Variants in DLGAP2 observed in about 807,000 individuals in gnomAD.
DLGAP2 encodes DLG associated protein 2.
Under a neutral mutation model 100.3 loss-of-function variants are expected in DLGAP2, and 26 were observed. The ratio of observed to expected loss-of-function variants is 0.26; its 90% CI spans 0.19 to 0.36. DLGAP2 has a LOEUF of 0.36. DLGAP2 is among the 10% of genes least tolerant of loss of function. The pLI is 1.00. For synonymous variants in DLGAP2, 886 were observed against 630.1 expected (o/e 1.41, Z -6.08); for missense variants, 1,858 against 1,453.2 (o/e 1.28, Z -4.53).
intron 3 of DLGAP2, among the ~76,000 whole-genome samples, chr8:1,380,744 A>G (rs1294485306): frequency 2.6e-5 from 4 of 152,250 alleles, no homozygotes; most frequent in East Asian, 3.9e-4. Context: ...AGTCATGACT[A>G]TTGGTATTAA....
In DLGAP2 at chr8:1,565,794, G is replaced by A. The variant is rs757755202; in HGVS notation, c.1342G>A (p.Gly448Arg). 4 of 1,613,816 alleles carry A rather than the reference G, an allele frequency of 2.5e-6. No homozygotes were observed. The highest frequency in any genetic ancestry group is 1.1e-5 in the South Asian group (1 of 91,044). ...TAAAGCCATGGGGGACGAGGAGAGC[G>A]GAGAGTCAGACTCCAGCCCCAAGAC... ...YIKAMGDEESGESDSSPKTSP... is the reference protein window; with the variant it reads ...YIKAMGDEESRESDSSPKTSP... Residue 448 changes from glycine (G) to arginine (R), a missense_variant, in exon 6 of 15, where the codon GGA becomes AGA. Transcript: ENST00000637795.
chr8:814,812 A>G (rs1001933673), intron 1 of DLGAP2, among the ~76,000 whole-genome samples: 2 of 141,038 alleles, frequency 1.4e-5, no homozygotes, highest in African/African-American at 5.4e-5. Context: ...AGATCATGTT[A>G]CACCACTCCA....
Position 912,123 on chromosome 8 carries a change from G to C in DLGAP2, c.73+4157G>C, listed in dbSNP as rs115535881. Among the ~76,000 whole-genome samples the C allele has an allele frequency of 4.0e-3, 603 of 152,262 alleles. 4 individuals are homozygous for C. Among genetic ancestry groups the C allele is most frequent in the African/African-American group, 0.014 (565 of 41,560 alleles). ...ATTCTACTGCCACGAATAATTAGAA[G>C]TTTCAAGAATGAATTGATTTTGCAA... On this transcript the variant is annotated intron_variant, in intron 2 of 14. Transcript: ENST00000637795.
rs73534165 is a variant in DLGAP2 at position 873,555 on chromosome 8, A to T, written c.19-34357A>T. ...ATTAATACTTTATAATTCTCTATAT[A>T]TAATTGCTGCATTCATTTTACTAAT... On this transcript the variant is annotated intron_variant, in intron 1 of 14. Coordinates refer to ENST00000637795, the MANE Select transcript of DLGAP2 (RefSeq NM_001346810.2). Among the ~76,000 whole-genome samples, 1,397 of 152,288 alleles carry T rather than the reference A, an allele frequency of 9.2e-3. 30 individuals are homozygous for T. Among genetic ancestry groups the T allele is most frequent in the African/African-American group, 0.032 (1,340 of 41,566 alleles).
intron 2 of DLGAP2, among the ~76,000 whole-genome samples, chr8:943,029 A>G (rs1017322931): frequency 2.6e-5 from 4 of 152,224 alleles, no homozygotes; most frequent in African/African-American, 7.2e-5. Flanking sequence ...CCACATGGGC[A>G]TATTGAGCTT....
intron 1 of DLGAP2, among the ~76,000 whole-genome samples, chr8:886,590 C>T (rs2128994690): frequency 6.6e-6 from 1 of 152,300 alleles, no homozygotes; most frequent in South Asian, 2.1e-4. Flanking sequence ...TCATTAGTTT[C>T]AAAGAACTTC....
At chr8:1,333,329 G>A (rs1200945871) in intron 3 of DLGAP2, among the ~76,000 whole-genome samples, 2 of 152,144 alleles carry the variant, frequency 1.3e-5, no homozygotes, top group Non-Finnish European at 2.9e-5. Context: ...GGGTGTGGGC[G>A]TCTCCCTGTC....
intron 3 of DLGAP2, among the ~76,000 whole-genome samples, chr8:1,449,273 GT>G (rs1745262596): frequency 6.6e-6 from 1 of 152,184 alleles, no homozygotes. Context: ...TGATTCCGGG[GT>G]AATTGTTCTG....
chr8:1,543,902 T>G (rs1255387068), intron 4 of DLGAP2, among the ~76,000 whole-genome samples: 1 of 150,400 alleles, frequency 6.6e-6, no homozygotes, highest in Middle Eastern at 3.2e-3. Context: ...TCACGTCCTT[T>G]TTTTCTTTTT....
At chr8:916,886 C>G (rs1254001365) in intron 2 of DLGAP2, among the ~76,000 whole-genome samples, 1 of 152,290 alleles carries the variant, frequency 6.6e-6, no homozygotes, top group Non-Finnish European at 1.5e-5. Flanking sequence ...GCGTTGAGAC[C>G]AAGATGATCC....
chr8:837,081 C>G (rs961264984), intron 1 of DLGAP2, among the ~76,000 whole-genome samples: 2 of 152,260 alleles, frequency 1.3e-5, no homozygotes, highest in Non-Finnish European at 2.9e-5. Context: ...GTCCCATCTC[C>G]TGGTCAGGGT....
intron 5 of DLGAP2, among the ~76,000 whole-genome samples, chr8:1,560,980 G>A (rs533360808): frequency 6.6e-6 from 1 of 152,244 alleles, no homozygotes; most frequent in East Asian, 1.9e-4. Context: ...CCGAAATCTC[G>A]TTTTGCCTGG....
chr8:1,289,614 G>A (rs1203424018), intron 3 of DLGAP2, among the ~76,000 whole-genome samples: 1 of 152,172 alleles, frequency 6.6e-6, no homozygotes, highest in Non-Finnish European at 1.5e-5. Flanking sequence ...GTCCCTGGGG[G>A]CTGGCCTGGC....
intron 2 of DLGAP2, among the ~76,000 whole-genome samples, chr8:1,169,831 GA>G (rs1301019178): frequency 6.6e-6 from 1 of 151,802 alleles, no homozygotes; most frequent in Non-Finnish European, 1.5e-5. Context: ...TCTGCAAACA[GA>G]GACAATTTGA....
At chr8:1,488,370 G>T (rs184882804) in intron 3 of DLGAP2, among the ~76,000 whole-genome samples, 58 of 152,304 alleles carry the variant, frequency 3.8e-4, no homozygotes, top group African/African-American at 1.3e-3. Flanking sequence ...AGCTTGGCAG[G>T]TCTCTTTTCC....
intron 1 of DLGAP2, among the ~76,000 whole-genome samples, chr8:798,224 G>A (rs555457363): frequency 6.6e-6 from 1 of 150,730 alleles, no homozygotes; most frequent in South Asian, 2.1e-4. Flanking sequence ...CAGGTGATGG[G>A]TGCCTGCTTC....
chr8:1,565,286 C>A (rs1802351319), intron 5 of DLGAP2, among the ~76,000 whole-genome samples: 1 of 133,542 alleles, frequency 7.5e-6, no homozygotes, highest in Non-Finnish European at 1.6e-5. Context: ...ATAAGATAGG[C>A]ATTTTCTCCC....
intron 2 of DLGAP2, among the ~76,000 whole-genome samples, chr8:1,003,732 G>A (rs746933687): frequency 1.1e-4 from 17 of 152,194 alleles, no homozygotes; most frequent in Non-Finnish European, 1.0e-4. Context: ...ATCTAGGGCT[G>A]TTGTCTGAGC....
At chr8:1,248,654 G>C (rs550837246) in intron 2 of DLGAP2, 1 of 134,590 alleles carries the variant, frequency 7.4e-6, no homozygotes, top group South Asian at 2.5e-4. Context: ...TGTGGGAGGC[G>C]GTGCCAGCCT....
Sources: allele counts gnomAD v4.1 joint callset (sites outside exome capture counted in the v4.1 genomes callset), GRCh38; gene constraint gnomAD v4.1.1; transcripts MANE v1.5; gene names NCBI Gene and HGNC (gene_info 2026-07-23, HGNC 2026-07-21).